The following PKHD1 variants were observed in gnomAD, a reference collection of about 807,000 sequenced individuals.
The protein encoded by PKHD1 is PKHD1 ciliary IPT domain containing fibrocystin/polyductin, also known as fibrocystin.
In PKHD1, 291 loss-of-function variants were observed where a neutral mutation model predicts 412.0. The ratio of observed to expected loss-of-function variants is 0.71; its 90% CI spans 0.64 to 0.78. The LOEUF (loss-of-function observed/expected upper bound fraction) is 0.78. Among genes scored for constraint, PKHD1 ranks in the 30% least tolerant of loss-of-function variants. PKHD1 has a pLI of 0.00. For missense variants in PKHD1, 4,825 were observed against 4,950.7 expected (o/e 0.97, Z 0.76); for synonymous variants, 1,777 against 1,821.5 (o/e 0.98, Z 0.62).
chr6:51,716,799 G>A (rs1036777117), intron 60 of PKHD1, among the ~76,000 whole-genome samples: 4 of 152,010 alleles, frequency 2.6e-5, no homozygotes, highest in Admixed American at 2.6e-4. Context: ...ACTAAACTGG[G>A]TTTACTGAGG....
intron 35 of PKHD1, among the ~76,000 whole-genome samples, chr6:51,998,098 C>T (rs776768011): frequency 6.6e-6 from 1 of 152,128 alleles, no homozygotes; most frequent in Admixed American, 6.6e-5. Flanking sequence ...AGCAATACAA[C>T]AAAAGCTTAT....
At chr6:51,741,995 C>T (rs1582400958) in intron 60 of PKHD1, among the ~76,000 whole-genome samples, 1 of 152,178 alleles carries the variant, frequency 6.6e-6, no homozygotes, top group Admixed American at 6.5e-5. Flanking sequence ...AGAATGTTTT[C>T]CCCATAGCAT....
intron 43 of PKHD1, among the ~76,000 whole-genome samples, chr6:51,901,806 AT>A (rs1013639765): frequency 6.6e-6 from 1 of 151,948 alleles, no homozygotes; most frequent in African/African-American, 2.4e-5. Context: ...TATGCATTGT[AT>A]TTTTTTTCTA....
chr6:52,071,589 G>A (rs368004001), intron 8 of PKHD1, among the ~76,000 whole-genome samples: 5 of 152,086 alleles, frequency 3.3e-5, no homozygotes, highest in Admixed American at 2.6e-4. Flanking sequence ...TTAAACTGGA[G>A]AGTGTAGAAA....
At chr6:51,867,019 G>A (rs1775180517) in intron 48 of PKHD1, among the ~76,000 whole-genome samples, 1 of 152,090 alleles carries the variant, frequency 6.6e-6, no homozygotes, top group African/African-American at 2.4e-5. Flanking sequence ...GATTCCACAT[G>A]CATTCAAAAT....
intron 35 of PKHD1, among the ~76,000 whole-genome samples, chr6:51,966,325 T>C (rs1792801189): frequency 6.6e-6 from 1 of 152,162 alleles, no homozygotes; most frequent in African/African-American, 2.4e-5. Flanking sequence ...CACAGGTAGA[T>C]GAGAGACAAA....
intron 41 of PKHD1, 62 bp downstream of exon 41, chr6:51,906,153 T>C (rs1782047115): frequency 7.0e-7 from 1 of 1,421,950 alleles, no homozygotes. Flanking sequence ...TGGGGAGAAT[T>C]CATTGTGAAA....
chr6:52,060,759 G>T (rs1405443416), intron 14 of PKHD1, among the ~76,000 whole-genome samples: 1 of 151,788 alleles, frequency 6.6e-6, no homozygotes, highest in South Asian at 2.1e-4. Context: ...TTTAAATTTT[G>T]CTTTAATGTA....
At chr6:51,712,857 T>G (rs1780817416) in intron 60 of PKHD1, among the ~76,000 whole-genome samples, 1 of 152,226 alleles carries the variant, frequency 6.6e-6, no homozygotes, top group Non-Finnish European at 1.5e-5. Context: ...TGTGAAATGT[T>G]TGATATGTGT....
At chr6:51,719,711 CAAATT>C (rs1215411206) in intron 60 of PKHD1, among the ~76,000 whole-genome samples, 2 of 152,104 alleles carry the variant, frequency 1.3e-5, no homozygotes, top group African/African-American at 4.8e-5. Flanking sequence ...TATAATTTGA[CAAATT>C]ATATTATATA....
At chr6:51,978,284 G>C (rs1349404167) in intron 35 of PKHD1, among the ~76,000 whole-genome samples, 1 of 152,242 alleles carries the variant, frequency 6.6e-6, no homozygotes, top group East Asian at 1.9e-4. Context: ...AAATTATATT[G>C]GACTGAATTG....
intron 60 of PKHD1, among the ~76,000 whole-genome samples, chr6:51,667,438 G>T (rs1172996903): frequency 3.4e-5 from 5 of 149,152 alleles, no homozygotes; most frequent in African/African-American, 4.9e-5. Context: ...GTAGATTCTG[G>T]ATATTAGCCC....
At position 52,033,067 on chromosome 6, in the gene PKHD1, A is replaced by C; in HGVS notation, c.3327T>G (p.Val1109=). 6.2e-7 allele frequency: 1 copy of C among 1,612,398 alleles called. No homozygotes were observed. Among genetic ancestry groups the C allele is most frequent in the Non-Finnish European group, 8.5e-7 (1 of 1,178,536 alleles). Residue 1109 remains valine, a synonymous_variant, in exon 29 of 67, where the codon GTT becomes GTG. Transcript: ENST00000371117. ...TTATGTTTCTGCTCAGAGTCACAAT[A>C]ACTGGATTTAAGGAAGAGACATATG... is the stretch of plus-strand genomic sequence containing the variant. The part of the protein sequence containing the change: ...AFTYVSSLNP[V]IVTLSRNISN...
chr6:52,010,176 G>C (rs1390402590), intron 35 of PKHD1, 133 bp downstream of exon 35: 10 of 749,586 alleles, frequency 1.3e-5, no homozygotes, highest in African/African-American at 8.7e-5. Context: ...CATTAGACCA[G>C]CTTCTCAAAG....
chr6:51,982,285 G>C (rs1246018268), intron 35 of PKHD1, among the ~76,000 whole-genome samples: 2 of 61,666 alleles, frequency 3.2e-5, no homozygotes, highest in Non-Finnish European at 8.8e-5. Flanking sequence ...CCCTCTGCCC[G>C]GCCACGACCC....
At chr6:51,656,054 G>A (rs1201490923) in intron 61 of PKHD1, among the ~76,000 whole-genome samples, 1 of 152,116 alleles carries the variant, frequency 6.6e-6, no homozygotes, top group Non-Finnish European at 1.5e-5. Flanking sequence ...TATGTTTATT[G>A]CAGCACTATT....
rs561120483 is a variant in PKHD1 at position 51,924,550 on chromosome 6, A to G, written c.6121+9560T>C. ...AACTTGGCTCCAGGGCAAAGAATGA[A>G]TTGGAAAGAACAGAAGTGGCAACTA... On this transcript the variant is annotated intron_variant, in intron 37 of 66. Coordinates refer to ENST00000371117, the MANE Select transcript of PKHD1 (RefSeq NM_138694.4). 2.5e-4 allele frequency among the ~76,000 whole-genome samples: 38 copies of G among 152,344 alleles called. 1 individual carries two copies. Among genetic ancestry groups the G allele is most frequent in the African/African-American group, 9.1e-4 (38 of 41,572 alleles).
Position 52,083,107 on chromosome 6 carries a change from C to G in PKHD1, c.130+71G>C, listed in dbSNP as rs1038217511. The G allele has an allele frequency of 2.0e-5, 21 of 1,063,652 alleles. No individual in the cohort carries two copies. In the East Asian group the frequency reaches 3.8e-4, roughly 19 times the overall value. The allele number at this position is 1,063,652 out of a possible 1,614,324, so 65.9% of individuals were successfully genotyped here. A position where few individuals can be genotyped will look rare whatever the true frequency, so the allele number is the denominator to read the frequency against. On this transcript the variant is annotated intron_variant, in intron 3 of 66. Transcript: ENST00000371117. ...CCTGTCCTTAGAAAAGGAAGAAAAC[C>G]AAAGACTCATAGTCTTTAGGATTGT...
rs1484838247 is a variant in PKHD1 at position 51,617,060 on chromosome 6, C to T, written c.*2021G>A. ...AGGCAGCTAAATGCATGGTATAGAG[C>T]TCAGGAAAAATACCTGTGGAAAAAA... On this transcript the variant is annotated 3_prime_UTR_variant, in exon 67 of 67. Coordinates refer to ENST00000371117, the MANE Select transcript of PKHD1 (RefSeq NM_138694.4). The T allele has an allele frequency of 5.3e-6, 1 of 188,026 alleles. No individual in the cohort carries two copies. The highest frequency in any genetic ancestry group is 2.3e-5 in the African/African-American group (1 of 42,960). The allele number at this position is 188,026 out of a possible 1,614,324, so 11.6% of individuals were successfully genotyped here.
Sources: gnomAD v4.1 joint callset for allele counts (sites outside exome capture counted in the v4.1 genomes callset) on GRCh38, gnomAD v4.1.1 for gene constraint, MANE v1.5 for transcripts, NCBI Gene and HGNC (gene_info 2026-07-23, HGNC 2026-07-21) for gene names.